Variants in PIBF1 observed in about 807,000 individuals in gnomAD.
The protein encoded by PIBF1 is progesterone-induced-blocking factor 1.
A neutral mutation model predicts 112.5 loss-of-function variants in PIBF1; 90 were observed. The observed-to-expected ratio is 0.80, with a 90% CI of 0.67 to 0.95. PIBF1 has a LOEUF of 0.95. PIBF1 is among the 40% of genes least tolerant of loss of function. PIBF1 has a pLI of 0.00. For missense variants in PIBF1, 915 were observed against 852.3 expected, an observed-to-expected ratio of 1.07 and a Z score of -0.92; for synonymous variants, 301 against 288.6, an observed-to-expected ratio of 1.04 and a Z score of -0.44.
intron 10 of PIBF1, among the ~76,000 whole-genome samples, chr13:72,887,600 A>G (rs1483359359): frequency 6.6e-6 from 1 of 152,050 alleles, no homozygotes; most frequent in Admixed American, 6.6e-5. Flanking sequence ...AGCCAAAATT[A>G]TTTAAATGGA....
At chr13:72,927,650 TTTTTACTGTTTTTG>T (rs1412804660) in intron 13 of PIBF1, among the ~76,000 whole-genome samples, 3 of 152,060 alleles carry the variant, frequency 2.0e-5, no homozygotes, top group Admixed American at 6.6e-5. Context: ...GCCTAATTTT[TTTTTACTGTTTTTG>T]TTTTACTGTA....
At chr13:72,874,031 T>C (rs2039288661) in intron 10 of PIBF1, among the ~76,000 whole-genome samples, 1 of 152,146 alleles carries the variant, frequency 6.6e-6, no homozygotes, top group Admixed American at 6.5e-5. Context: ...ATGGAAATTA[T>C]ACCAAAATTC....
At chr13:72,925,845 T>A (rs2041467169) in intron 13 of PIBF1, among the ~76,000 whole-genome samples, 1 of 151,968 alleles carries the variant, frequency 6.6e-6, no homozygotes, top group Non-Finnish European at 1.5e-5. Flanking sequence ...CCCGGCCCTG[T>A]TTTTCTTTTT....
At chr13:72,878,147 ATTTCATTGGTTTTT>A (rs2039486479) in intron 10 of PIBF1, among the ~76,000 whole-genome samples, 1 of 150,242 alleles carries the variant, frequency 6.7e-6, no homozygotes, top group Non-Finnish European at 1.5e-5. Flanking sequence ...ACCACTTTAG[ATTTCATTGGTTTTT>A]ATCTTGATTT....
intron 16 of PIBF1, among the ~76,000 whole-genome samples, chr13:72,997,655 G>A (rs2043722917): frequency 6.6e-6 from 1 of 152,190 alleles, no homozygotes; most frequent in East Asian, 1.9e-4. Flanking sequence ...CTGTGACACA[G>A]AGCTGGTGTC....
At chr13:72,867,000 A>G (rs977153705) in intron 10 of PIBF1, among the ~76,000 whole-genome samples, 3 of 152,208 alleles carry the variant, frequency 2.0e-5, no homozygotes, top group Admixed American at 2.0e-4. Flanking sequence ...AGGAAAAACA[A>G]CCAATATATA....
intron 13 of PIBF1, among the ~76,000 whole-genome samples, chr13:72,927,976 T>TACAC (rs1342273948): frequency 3.7e-5 from 3 of 81,100 alleles, no homozygotes; most frequent in Admixed American, 1.4e-4. Flanking sequence ...TATATATATA[T>TACAC]ACATATATAT....
intron 10 of PIBF1, among the ~76,000 whole-genome samples, chr13:72,887,840 C>G (rs75739274): frequency 0.022 from 3,324 of 152,018 alleles, 134 homozygotes; most frequent in African/African-American, 0.076. Flanking sequence ...TTAGATATAT[C>G]CATGATTCAC....
intron 5 of PIBF1, among the ~76,000 whole-genome samples, chr13:72,818,718 C>A (rs2036410758): frequency 2.4e-5 from 2 of 84,586 alleles, no homozygotes; most frequent in Non-Finnish European, 4.3e-5. Flanking sequence ...TCATCTAATT[C>A]CTCTCCCAGC....
intron 15 of PIBF1, among the ~76,000 whole-genome samples, chr13:72,972,809 A>G (rs2042931153): frequency 6.6e-6 from 1 of 152,202 alleles, no homozygotes; most frequent in Non-Finnish European, 1.5e-5. Flanking sequence ...TAATTTGGAG[A>G]CAAACGTTCT....
intron 6 of PIBF1, among the ~76,000 whole-genome samples, chr13:72,826,468 T>C (rs1444505213): frequency 3.9e-5 from 6 of 152,324 alleles, no homozygotes; most frequent in East Asian, 3.9e-4. Context: ...TTTTAAAAAA[T>C]GTGTGTTGTA....
At chr13:72,853,177 G>A (rs1198076322) in intron 9 of PIBF1, among the ~76,000 whole-genome samples, 1 of 151,930 alleles carries the variant, frequency 6.6e-6, no homozygotes, top group African/African-American at 2.4e-5. Context: ...ATGGCTAGTT[G>A]TGTAATCTCC....
intron 12 of PIBF1, among the ~76,000 whole-genome samples, chr13:72,913,114 A>G (rs1400711707): frequency 1.3e-5 from 2 of 151,922 alleles, no homozygotes; most frequent in Non-Finnish European, 2.9e-5. Context: ...GTCTCTAAAG[A>G]TGATTGTCAC....
chr13:72,845,852 C>T (rs554526928), intron 9 of PIBF1, among the ~76,000 whole-genome samples: 176 of 152,222 alleles, frequency 1.2e-3, no homozygotes, highest in Non-Finnish European at 2.0e-3. Context: ...CACCCCCATA[C>T]TACTCCAACA....
intron 2 of PIBF1, among the ~76,000 whole-genome samples, chr13:72,789,787 T>A (rs2138364302): frequency 6.6e-6 from 1 of 152,272 alleles, no homozygotes; most frequent in East Asian, 1.9e-4. Flanking sequence ...TCTGAAAGTC[T>A]GAAATCCAAA....
chr13:72,918,068 A>G (rs1428577989), intron 13 of PIBF1, among the ~76,000 whole-genome samples: 2 of 152,110 alleles, frequency 1.3e-5, no homozygotes, highest in Non-Finnish European at 2.9e-5. Context: ...CCTGATTTTT[A>G]TTCCTAACTC....
chr13:72,849,384 A>G (rs1373431496), intron 9 of PIBF1, among the ~76,000 whole-genome samples: 1 of 152,190 alleles, frequency 6.6e-6, no homozygotes, highest in African/African-American at 2.4e-5. Context: ...GCTTCTATCA[A>G]TTTTTGAAGT....
intron 13 of PIBF1, among the ~76,000 whole-genome samples, chr13:72,929,676 TA>T (rs34082088): frequency 1.7e-4 from 25 of 151,028 alleles, no homozygotes; most frequent in Non-Finnish European, 2.4e-4. Flanking sequence ...CAGTAAAGTT[TA>T]AAAAAAAAGT....
intron 10 of PIBF1, among the ~76,000 whole-genome samples, chr13:72,871,801 A>T (rs1344127566): frequency 6.6e-6 from 1 of 152,192 alleles, no homozygotes; most frequent in Non-Finnish European, 1.5e-5. Context: ...TTTTACTGCA[A>T]GCCCAACTAA....
Sources: gnomAD v4.1 joint callset for allele counts (sites outside exome capture counted in the v4.1 genomes callset) on GRCh38, gnomAD v4.1.1 for gene constraint, MANE v1.5 for transcripts, NCBI Gene and HGNC (gene_info 2026-07-23, HGNC 2026-07-21) for gene names.